SYBU: variants seen among roughly 807,000 people sequenced by gnomAD.
SYBU encodes GOLSYN A protein.
SYBU carries 21 observed loss-of-function variants against 35.9 expected under a neutral mutation model. The ratio of observed to expected loss-of-function variants is 0.58; its 90% CI spans 0.41 to 0.84. The LOEUF (loss-of-function observed/expected upper bound fraction) is 0.84. Ranked by LOEUF, SYBU falls within the 40% of genes least tolerant of loss-of-function variation. The pLI is 0.00. For missense variants in SYBU, 768 were observed against 848.2 expected (o/e 0.91, Z 1.17); for synonymous variants, 319 against 324.3 (o/e 0.98, Z 0.18).
chr8:109,646,143 T>C (rs1397763431), upstream of SYBU: 1 of 152,258 alleles, frequency 6.6e-6, no homozygotes, highest in African/African-American at 2.4e-5. Context: ...ATTGCTACCC[T>C]TAAATCTTAT....
At chr8:109,630,319 T>C (rs1813470415) in intron 2 of SYBU, among the ~76,000 whole-genome samples, 1 of 149,410 alleles carries the variant, frequency 6.7e-6, no homozygotes, top group Non-Finnish European at 1.5e-5. Flanking sequence ...ATATACCTAA[T>C]GCTAGATGAC....
Position 109,574,809 on chromosome 8 carries a change from G to A in SYBU, c.*97C>T. 7.4e-7 allele frequency: 1 copy of A among 1,346,862 alleles called. No homozygotes were observed. Among genetic ancestry groups the A allele is most frequent in the Non-Finnish European group, 1.0e-6 (1 of 1,000,680 alleles). The allele number at this position is 1,346,862 out of a possible 1,614,324, so 83.4% of individuals were successfully genotyped here. On this transcript the variant is annotated 3_prime_UTR_variant, in exon 7 of 7. Coordinates refer to ENST00000276646, the MANE Select transcript of SYBU (RefSeq NM_001099754.2). ...CAAATCAAATACCAAGGAGCAAAAC[G>A]ACAGAATAGAGACTGTCACAGATGA... is the stretch of plus-strand genomic sequence containing the variant.
Position 109,586,063 on chromosome 8 carries a change from C to G in SYBU, c.527G>C (p.Arg176Pro). The change falls in exon 4 of 7, where the codon CGC becomes CCC. Residue 176 changes from arginine (R) to proline (P), a missense_variant. Physicochemically the swap from Arg to Pro is moderately radical, Grantham distance 103. Transcript: ENST00000276646. ...TAGSKRSSSS[R>P]NRGPHGRSNG... Reference sequence around the variant, plus strand: ...CAGAGCAGGAGATGGTGCCTACTTGCGTGAAGAAGAAGACCGCTTGCTTCC... The same window carrying G: ...CAGAGCAGGAGATGGTGCCTACTTGGGTGAAGAAGAAGACCGCTTGCTTCC... 1.9e-6 allele frequency: 3 copies of G among 1,607,340 alleles called. No individual in the cohort carries two copies. Among genetic ancestry groups the G allele is most frequent in the Non-Finnish European group, 2.5e-6 (3 of 1,176,886 alleles).
chr8:109,624,107 A>G (rs1434124421), intron 2 of SYBU, among the ~76,000 whole-genome samples: 2 of 152,188 alleles, frequency 1.3e-5, no homozygotes, highest in African/African-American at 4.8e-5. Flanking sequence ...CAACAATGAA[A>G]TAATTTGAGT....
In SYBU at chr8:109,575,311, C is replaced by T. The variant is rs768004422; in HGVS notation, c.1587G>A (p.Met529Ile). 4 of 1,614,060 alleles carry T rather than the reference C, an allele frequency of 2.5e-6. No individual in the cohort carries two copies. In the African/African-American group the frequency reaches 5.3e-5, roughly 22 times the overall value. The change falls in exon 7 of 7, where the codon ATG becomes ATA. Residue 529 changes from methionine to isoleucine, a missense_variant. Met to Ile is a conservative substitution (Grantham distance 10). Coordinates refer to ENST00000276646, the MANE Select transcript of SYBU (RefSeq NM_001099754.2). Reference protein sequence around the residue: ...ASPDESEPDSMESFPESLSAL... With the variant: ...ASPDESEPDSIESFPESLSAL... ...CAGAGAGGGACTCTGGGAAGCTCTCCATCGAGTCTGGTTCAGACTCATCAG... is the reference window on the plus strand; with the variant it reads ...CAGAGAGGGACTCTGGGAAGCTCTCTATCGAGTCTGGTTCAGACTCATCAG...
chr8:109,622,636 T>G (rs1294130638), intron 2 of SYBU, among the ~76,000 whole-genome samples: 1 of 152,220 alleles, frequency 6.6e-6, no homozygotes, highest in African/African-American at 2.4e-5. Context: ...AAGCACATAT[T>G]AAAGAGATTT....
chr8:109,688,709 C>T (rs563881288), intron 1 of SYBU, among the ~76,000 whole-genome samples: 1 of 150,156 alleles, frequency 6.7e-6, no homozygotes, highest in East Asian at 2.0e-4. Context: ...TCACCTGAAC[C>T]ACAGAAAACA....
At position 109,574,812 on chromosome 8, in the gene SYBU, A is replaced by C. The variant is rs1357710505; in HGVS notation, c.*94T>G. 4 of 1,368,624 alleles carry C rather than the reference A, an allele frequency of 2.9e-6. No individual in the cohort carries two copies. The African/African-American group carries it at 5.8e-5, about 20-fold the overall frequency. The allele number at this position is 1,368,624 out of a possible 1,614,324, so 84.8% of individuals were successfully genotyped here. A position where few individuals can be genotyped will look rare whatever the true frequency, so the allele number is the denominator to read the frequency against. The stretch of plus-strand genomic sequence containing the variant: ...ATCAAATACCAAGGAGCAAAACGAC[A>C]GAATAGAGACTGTCACAGATGATTG... On this transcript the variant is annotated 3_prime_UTR_variant, in exon 7 of 7. Transcript: ENST00000276646.
chr8:109,652,193 C>T (rs1816170561), intron 1 of SYBU, among the ~76,000 whole-genome samples: 1 of 152,180 alleles, frequency 6.6e-6, no homozygotes, highest in African/African-American at 2.4e-5. Context: ...ACCCAGAGGG[C>T]TTGCCAGTAT....
intron 3 of SYBU, chr8:109,607,806 A>ACTCT: frequency 1.7e-6 from 1 of 584,976 alleles, no homozygotes; most frequent in Non-Finnish European, 2.8e-6. Context: ...ACCACAACTA[A>ACTCT]CTCACACACA....
chr8:109,673,143 A>G (rs1357008656), intron 1 of SYBU, among the ~76,000 whole-genome samples: 1 of 152,198 alleles, frequency 6.6e-6, no homozygotes, highest in Non-Finnish European at 1.5e-5. Flanking sequence ...CTGGCTCTGA[A>G]GAGAGCAATG....
chr8:109,686,698 A>C (rs897391533), intron 1 of SYBU, among the ~76,000 whole-genome samples: 1 of 141,728 alleles, frequency 7.1e-6, no homozygotes, highest in Non-Finnish European at 1.5e-5. Flanking sequence ...AATAAGTTGA[A>C]CCTAAATTGA....
In SYBU at chr8:109,577,702, A is replaced by C. The variant is rs1235245579; in HGVS notation, c.884+166T>G. ...CCTGAACTCCTGAAACAGCCATATCACACAGAGTTATGAAATGACTCTTTT... is the reference window on the plus strand; with the variant it reads ...CCTGAACTCCTGAAACAGCCATATCCCACAGAGTTATGAAATGACTCTTTT... On this transcript the variant is annotated intron_variant, in intron 6 of 6. Coordinates refer to ENST00000276646, the MANE Select transcript of SYBU (RefSeq NM_001099754.2). 2.6e-5 allele frequency among the ~76,000 whole-genome samples: 4 copies of C among 152,214 alleles called. No homozygotes were observed. The East Asian group carries it at 7.7e-4, about 29-fold the overall frequency.
intron 1 of SYBU, among the ~76,000 whole-genome samples, chr8:109,686,570 A>C (rs976369522): frequency 3.3e-5 from 5 of 152,178 alleles, no homozygotes; most frequent in African/African-American, 1.2e-4. Context: ...GAGTTTCCCC[A>C]GGCACAGGTT....
chr8:109,685,675 C>T (rs560392416), upstream of SYBU, among the ~76,000 whole-genome samples: 13 of 152,256 alleles, frequency 8.5e-5, no homozygotes, highest in African/African-American at 3.1e-4. Context: ...CAATTATATG[C>T]ATTAAGTATT....
intron 2 of SYBU, among the ~76,000 whole-genome samples, chr8:109,639,218 T>G (rs1814580019): frequency 6.6e-6 from 1 of 152,176 alleles, no homozygotes; most frequent in South Asian, 2.1e-4. Context: ...ATAGCTACCA[T>G]CCACTATCAT....
intron 2 of SYBU, 78 bp downstream of exon 2, chr8:109,642,650 A>AC: frequency 1.1e-6 from 1 of 927,268 alleles, no homozygotes; most frequent in Non-Finnish European, 1.6e-6. Context: ...GCTATAAGGG[A>AC]CCCAGTATGG....
intron 4 of SYBU, among the ~76,000 whole-genome samples, chr8:109,583,555 G>A (rs1235060873): frequency 6.6e-6 from 1 of 152,270 alleles, no homozygotes; most frequent in East Asian, 1.9e-4. Context: ...ATGTCCCACT[G>A]ATTGACCAAT....
intron 1 of SYBU, among the ~76,000 whole-genome samples, chr8:109,660,074 G>A (rs28636990): frequency 0.12 from 18,832 of 152,036 alleles, 3,281 homozygotes; most frequent in African/African-American, 0.39. Context: ...TGTCTATTTA[G>A]CTTAATTTAT....
Sources: gnomAD v4.1 joint callset for allele counts (sites outside exome capture counted in the v4.1 genomes callset) on GRCh38, gnomAD v4.1.1 for gene constraint, MANE v1.5 for transcripts, NCBI Gene and HGNC (gene_info 2026-07-23, HGNC 2026-07-21) for gene names.